WASF3: variants seen among roughly 807,000 people sequenced by gnomAD.
WASF3 encodes the protein actin-binding protein WASF3.
In WASF3, 11 loss-of-function variants were observed where a neutral mutation model predicts 46.6. That is an observed-to-expected ratio of 0.24 (90% CI 0.15 to 0.39). The LOEUF is 0.39. Among genes scored for constraint, WASF3 ranks in the 10% least tolerant of loss-of-function variants. WASF3 has a pLI of 1.00. For synonymous variants in WASF3, 242 were observed against 259.7 expected (o/e 0.93, Z 0.65); for missense variants, 576 against 669.8 (o/e 0.86, Z 1.55).
chr13:26,624,780 T>C (rs892877805), intron 2 of WASF3, among the ~76,000 whole-genome samples: 18 of 152,086 alleles, frequency 1.2e-4, no homozygotes, highest in African/African-American at 4.3e-4. Context: ...AGGGTAAGAA[T>C]AACAGCAGAC....
At chr13:26,681,529 G>C (rs1202647860) in intron 8 of WASF3, among the ~76,000 whole-genome samples, 1 of 152,194 alleles carries the variant, frequency 6.6e-6, no homozygotes, top group Non-Finnish European at 1.5e-5. Flanking sequence ...AGGCCACACT[G>C]TGCATGCATG....
chr13:26,588,612 A>G (rs780258943), intron 1 of WASF3, among the ~76,000 whole-genome samples: 4 of 152,166 alleles, frequency 2.6e-5, no homozygotes, highest in Non-Finnish European at 5.9e-5. Flanking sequence ...TCTGGATTCT[A>G]ATTTGATCTT....
At chr13:26,594,183 A>G (rs559831702) in intron 1 of WASF3, among the ~76,000 whole-genome samples, 1 of 152,148 alleles carries the variant, frequency 6.6e-6, no homozygotes, top group South Asian at 2.1e-4. Flanking sequence ...CTCATTTTGT[A>G]TTTACTCCCC....
rs1046039746 is a variant in WASF3, at chr13:26,681,883, T to C, written c.983+563T>C. Reference sequence around the variant, plus strand: ...ACCTCTCTTTTTTTTGGCTTTACTCTAGTCTTTAAAGACTTCATTCCTCAG... The same window carrying C: ...ACCTCTCTTTTTTTTGGCTTTACTCCAGTCTTTAAAGACTTCATTCCTCAG... On this transcript the variant is annotated intron_variant, in intron 8 of 9. Transcript: ENST00000335327. Among the ~76,000 whole-genome samples the C allele has an allele frequency of 3.3e-5, 5 of 152,310 alleles. No individual in the cohort carries two copies. The East Asian group carries it at 9.7e-4, about 29-fold the overall frequency.
intron 2 of WASF3, among the ~76,000 whole-genome samples, chr13:26,620,047 G>A (rs1163646456): frequency 6.6e-6 from 1 of 152,172 alleles, no homozygotes; most frequent in South Asian, 2.1e-4. Flanking sequence ...GTGAGAGACC[G>A]AGATTCTAGT....
At chr13:26,629,066 C>T (rs1375738046) in intron 2 of WASF3, among the ~76,000 whole-genome samples, 2 of 152,210 alleles carry the variant, frequency 1.3e-5, no homozygotes, top group African/African-American at 2.4e-5. Context: ...ACCATTGGAT[C>T]CTGTCGATGG....
At chr13:26,634,219 G>GTGA (rs1881745403) in intron 2 of WASF3, among the ~76,000 whole-genome samples, 1 of 152,150 alleles carries the variant, frequency 6.6e-6, no homozygotes, top group South Asian at 2.1e-4. Flanking sequence ...TCTTGTTGAA[G>GTGA]TGATCCCTTT....
At chr13:26,587,368 A>T (rs182527073) in intron 1 of WASF3, among the ~76,000 whole-genome samples, 39 of 152,160 alleles carry the variant, frequency 2.6e-4, no homozygotes, top group African/African-American at 8.9e-4. Context: ...GGCCTCTGAA[A>T]GGGCTACACA....
At chr13:26,590,166 T>C (rs1880248155) in intron 1 of WASF3, among the ~76,000 whole-genome samples, 1 of 152,210 alleles carries the variant, frequency 6.6e-6, no homozygotes, top group Non-Finnish European at 1.5e-5. Flanking sequence ...CTGGATGCTT[T>C]CATTTCCCAT....
At chr13:26,658,466 T>G (rs1028466183) in intron 3 of WASF3, among the ~76,000 whole-genome samples, 1 of 152,220 alleles carries the variant, frequency 6.6e-6, no homozygotes, top group African/African-American at 2.4e-5. Flanking sequence ...CCAGTCACTA[T>G]GAGAACATGA....
chr13:26,542,882 A>G, the WASF3 span, among the ~76,000 whole-genome samples: 5 of 152,196 alleles, frequency 3.3e-5, no homozygotes, highest in Non-Finnish European at 7.3e-5. Flanking sequence ...ATTTTTTTAA[A>G]TGTCACTTTT....
chr13:26,596,325 A>G (rs1435994221), intron 1 of WASF3, among the ~76,000 whole-genome samples: 1 of 144,656 alleles, frequency 6.9e-6, no homozygotes, highest in Admixed American at 6.9e-5. Context: ...TCATAATTGG[A>G]TTGTTTACTT....
intron 3 of WASF3, among the ~76,000 whole-genome samples, chr13:26,642,938 T>C (rs1756472): frequency 0.78 from 118,890 of 152,104 alleles, 46,808 homozygotes; most frequent in East Asian, 0.9. Context: ...TACTGATTTC[T>C]GCATTGAGGT....
At chr13:26,627,038 T>C (rs1287560601) in intron 2 of WASF3, among the ~76,000 whole-genome samples, 5 of 152,152 alleles carry the variant, frequency 3.3e-5, no homozygotes, top group Admixed American at 3.3e-4. Context: ...AGAAAGCACA[T>C]TGATATGATT....
Position 26,665,024 on chromosome 13 carries a change from A to G in WASF3, c.134-4A>G, listed in dbSNP as rs977351. On this transcript the variant is annotated splice_polypyrimidine_tract_variant and splice_region_variant and intron_variant, in intron 3 of 9. Transcript: ENST00000335327. The stretch of plus-strand genomic sequence containing the variant: ...TGGCCTTCTCCATTCATTTTATTCT[A>G]CAGGCAAACATGCTGAAGACATATT... 0.29 allele frequency: 474,241 copies of G among 1,613,204 alleles called. 72,037 individuals are homozygous for G. Among genetic ancestry groups the G allele is most frequent in the South Asian group, 0.38 (34,959 of 91,024 alleles).
chr13:26,605,063 A>G (rs530300089), intron 1 of WASF3, among the ~76,000 whole-genome samples: 1 of 151,810 alleles, frequency 6.6e-6, no homozygotes, highest in Non-Finnish European at 1.5e-5. Flanking sequence ...CAGTGCTTCC[A>G]CCCTCAGGAC....
Position 26,688,946 on chromosome 13 carries a change from T to C in WASF3, c.*3101T>C, listed in dbSNP as rs1883492147. 6.6e-6 allele frequency: 1 copy of C among 152,272 alleles called. No individual in the cohort carries two copies. The highest frequency in any genetic ancestry group is 2.4e-5 in the African/African-American group (1 of 41,484). 9.4% of individuals were successfully genotyped at this position (152,272 alleles called of 1,614,324 possible). A position where few individuals can be genotyped will look rare whatever the true frequency, so the allele number is the denominator to read the frequency against. On this transcript the variant is annotated 3_prime_UTR_variant, in exon 10 of 10. Coordinates refer to ENST00000335327, the MANE Select transcript of WASF3 (RefSeq NM_006646.6). ...AACCCTAAGAGGTTTTGCTTATTAATAACAGTGTTGTATGTTTGGCTTTTT... is the reference window on the plus strand; with the variant it reads ...AACCCTAAGAGGTTTTGCTTATTAACAACAGTGTTGTATGTTTGGCTTTTT...
chr13:26,618,070 T>C (rs1169989850), intron 2 of WASF3, among the ~76,000 whole-genome samples: 4 of 152,188 alleles, frequency 2.6e-5, no homozygotes, highest in Non-Finnish European at 5.9e-5. Context: ...GGAGTATCTT[T>C]TTAGCAGTGT....
intron 3 of WASF3, among the ~76,000 whole-genome samples, chr13:26,644,045 G>A (rs1016970043): frequency 6.6e-6 from 1 of 152,194 alleles, no homozygotes; most frequent in African/African-American, 2.4e-5. Context: ...AATCCACAAG[G>A]GTTCTTTAAA....
Sources: allele counts gnomAD v4.1 joint callset (sites outside exome capture counted in the v4.1 genomes callset), GRCh38; gene constraint gnomAD v4.1.1; transcripts MANE v1.5; gene names NCBI Gene and HGNC (gene_info 2026-07-23, HGNC 2026-07-21).